The following ATP11A variants were observed in gnomAD, a reference collection of about 807,000 sequenced individuals.
The protein encoded by ATP11A is ATPase phospholipid transporting 11A, also known as phospholipid-transporting ATPase IH.
ATP11A carries 81 observed loss-of-function variants against 154.4 expected under a neutral mutation model. That is an observed-to-expected ratio of 0.52 (90% CI 0.44 to 0.63). The LOEUF is 0.63. Among genes scored for constraint, ATP11A ranks in the 30% least tolerant of loss-of-function variants. The pLI is 0.00. For synonymous variants in ATP11A, 623 were observed against 585.9 expected, an observed-to-expected ratio of 1.06 and a Z score of -0.91; for missense variants, 1,316 against 1,474.3, an observed-to-expected ratio of 0.89 and a Z score of 1.76.
At chr13:112,779,909 A>T (rs2077456563) in intron 1 of ATP11A, among the ~76,000 whole-genome samples, 1 of 152,116 alleles carries the variant, frequency 6.6e-6, no homozygotes, top group Non-Finnish European at 1.5e-5. Context: ...TGTCTCATTA[A>T]AAAGAAAAAA....
At position 112,871,797 on chromosome 13, in the gene ATP11A, A is replaced by AAAGGTAAGTGG; in HGVS notation, c.3055_3057+8dup. 1 of 1,614,100 alleles carries AAAGGTAAGTGG rather than the reference A, an allele frequency of 6.2e-7. No homozygotes were observed. The highest frequency in any genetic ancestry group is 8.5e-7 in the Non-Finnish European group (1 of 1,179,916). On this transcript the variant is annotated frameshift_variant, in exon 26 of 30. Coordinates refer to ENST00000375645, the MANE Select transcript of ATP11A (RefSeq NM_015205.3). ...CCGTGATGGTGTTCACAGTTACACT[A>AAAGGTAAGTGG]AAGGTAAGTGGTCTCGCGCTCACGT...
chr13:112,769,453 T>C (rs553372974), intron 1 of ATP11A, among the ~76,000 whole-genome samples: 2 of 152,332 alleles, frequency 1.3e-5, no homozygotes, highest in East Asian at 1.9e-4. Context: ...AGCTGTGGCC[T>C]CTTTGCTGCG....
intron 1 of ATP11A, among the ~76,000 whole-genome samples, chr13:112,733,453 A>G (rs979537330): frequency 6.6e-6 from 1 of 152,220 alleles, no homozygotes; most frequent in Non-Finnish European, 1.5e-5. Context: ...TTTTACTAAC[A>G]CTGGATATTA....
chr13:112,809,503 G>A (rs9603955), intron 4 of ATP11A, among the ~76,000 whole-genome samples: 12,048 of 152,212 alleles, frequency 0.079, 579 homozygotes, highest in African/African-American at 0.14. Flanking sequence ...TACCTGCAGC[G>A]GGCCCGTGGC....
intron 5 of ATP11A, among the ~76,000 whole-genome samples, chr13:112,815,169 C>T (rs913739567): frequency 6.6e-6 from 1 of 152,058 alleles, no homozygotes; most frequent in Non-Finnish European, 1.5e-5. Flanking sequence ...CAATGGCTTC[C>T]TCACCCTTCA....
At chr13:112,699,717 C>T (rs1432801293) in intron 1 of ATP11A, among the ~76,000 whole-genome samples, 2 of 152,188 alleles carry the variant, frequency 1.3e-5, no homozygotes, top group Non-Finnish European at 1.5e-5. Context: ...ACCTTGTCTG[C>T]GTGTGCTTTG....
chr13:112,706,494 A>G (rs897870350), intron 1 of ATP11A, among the ~76,000 whole-genome samples: 7 of 152,162 alleles, frequency 4.6e-5, no homozygotes, highest in African/African-American at 1.7e-4. Context: ...TTTCTGTGGC[A>G]TTTTCTTCCA....
At chr13:112,761,665 A>G (rs1471724404) in intron 1 of ATP11A, among the ~76,000 whole-genome samples, 1 of 143,334 alleles carries the variant, frequency 7.0e-6, no homozygotes, top group Non-Finnish European at 1.6e-5. Context: ...CCTGAGGATA[A>G]AGGGGACATC....
intron 1 of ATP11A, among the ~76,000 whole-genome samples, chr13:112,735,454 G>A (rs1169073267): frequency 6.6e-6 from 1 of 152,186 alleles, no homozygotes; most frequent in Non-Finnish European, 1.5e-5. Flanking sequence ...TTTGTCAACA[G>A]AACTCCTTCT....
chr13:112,749,011 C>T (rs191764044), intron 1 of ATP11A, among the ~76,000 whole-genome samples: 3 of 152,308 alleles, frequency 2.0e-5, no homozygotes, highest in Admixed American at 6.5e-5. Flanking sequence ...CACTGGGTCA[C>T]GGGTGGGCTG....
At chr13:112,805,136 A>G in intron 3 of ATP11A, 90 bp downstream of exon 3, 1 of 924,812 alleles carries the variant, frequency 1.1e-6, no homozygotes, top group Non-Finnish European at 1.6e-6. Flanking sequence ...GGCTAATGAA[A>G]GAGCAAGGAC....
rs200302293 is a variant in ATP11A, at chr13:112,865,741, G to A, written c.2991+3166G>A. ...ACTTTTTGAATTTTTAGTAGAGACGGGGTTTTACCGTGTTAGCCAGGATGG... is the reference window on the plus strand; with the variant it reads ...ACTTTTTGAATTTTTAGTAGAGACGAGGTTTTACCGTGTTAGCCAGGATGG... On this transcript the variant is annotated intron_variant, in intron 25 of 29. Coordinates refer to ENST00000375645, the MANE Select transcript of ATP11A (RefSeq NM_015205.3). 1.4e-3 allele frequency among the ~76,000 whole-genome samples: 220 copies of A among 152,300 alleles called. 1 individual carries two copies. The highest frequency in any genetic ancestry group is 5.1e-3 in the African/African-American group (212 of 41,562).
rs918125479 is a variant in ATP11A, at chr13:112,738,766, C to T, written c.40-46369C>T. Among the ~76,000 whole-genome samples the T allele has an allele frequency of 2.1e-5, 3 of 142,634 alleles. No individual in the cohort carries two copies. In the Admixed American group the frequency reaches 2.2e-4, roughly 10 times the overall value. The allele number at this position is 142,634 out of a possible 152,430, so 93.6% of individuals were successfully genotyped here. A position where few individuals can be genotyped will look rare whatever the true frequency, so the allele number is the denominator to read the frequency against. On this transcript the variant is annotated intron_variant, in intron 1 of 29. Coordinates refer to ENST00000375645, the MANE Select transcript of ATP11A (RefSeq NM_015205.3). Reference sequence around the variant, plus strand: ...CCCAGCCGTCAGCCGTGTTGTTTTGCTCACTGTGGGATGACTGTTCCCATA... The same window carrying T: ...CCCAGCCGTCAGCCGTGTTGTTTTGTTCACTGTGGGATGACTGTTCCCATA...
chr13:112,819,321 G>A lies in ATP11A; in HGVS notation c.588G>A (p.Gln196=). The change falls in exon 7 of 30, where the codon CAG becomes CAA. Residue 196 remains glutamine (Q), a synonymous_variant. Coordinates refer to ENST00000375645, the MANE Select transcript of ATP11A (RefSeq NM_015205.3). ...ATTTGTAGACGCATTACGCGGTCCA[G>A]GACACCAAAGGCTTCCACACAGAGG... ...ESSHKTHYAV[Q]DTKGFHTEED... 1 of 1,614,232 alleles carries A rather than the reference G, an allele frequency of 6.2e-7. No homozygotes were observed. Among genetic ancestry groups the A allele is most frequent in the Non-Finnish European group, 8.5e-7 (1 of 1,180,038 alleles).
At chr13:112,693,721 G>T (rs1383257957) in intron 1 of ATP11A, among the ~76,000 whole-genome samples, 1 of 152,142 alleles carries the variant, frequency 6.6e-6, no homozygotes, top group Non-Finnish European at 1.5e-5. Flanking sequence ...GGAGGCCGAG[G>T]TGGGTGGATC....
At chr13:112,755,735 G>C (rs896787061) in intron 1 of ATP11A, among the ~76,000 whole-genome samples, 25 of 145,812 alleles carry the variant, frequency 1.7e-4, no homozygotes, top group Non-Finnish European at 3.0e-5. Context: ...AACCATTTCC[G>C]GTCACGGAAG....
chr13:112,797,608 A>G (rs2078035074), intron 2 of ATP11A, among the ~76,000 whole-genome samples: 1 of 152,212 alleles, frequency 6.6e-6, no homozygotes, highest in African/African-American at 2.4e-5. Flanking sequence ...TAAGGAAGAA[A>G]AGAATAATGT....
intron 1 of ATP11A, among the ~76,000 whole-genome samples, chr13:112,709,240 G>T (rs1887483622): frequency 2.0e-5 from 3 of 152,170 alleles, no homozygotes; most frequent in South Asian, 2.1e-4. Context: ...CATCAGATGG[G>T]TTTTATTTAA....
At chr13:112,708,986 G>A (rs695163) in intron 1 of ATP11A, among the ~76,000 whole-genome samples, 126,541 of 152,076 alleles carry the variant, frequency 0.83, 53,125 homozygotes, top group East Asian at 0.96. Flanking sequence ...GGTAGACTCC[G>A]GGAGGGATGG....
Sources: gnomAD v4.1 joint callset for allele counts (sites outside exome capture counted in the v4.1 genomes callset) on GRCh38, gnomAD v4.1.1 for gene constraint, MANE v1.5 for transcripts, NCBI Gene and HGNC (gene_info 2026-07-23, HGNC 2026-07-21) for gene names.